The following SOX5 variants were observed in gnomAD, a reference collection of about 807,000 sequenced individuals.
SOX5 encodes the protein transcription factor SOX-5.
In SOX5, 9 loss-of-function variants were observed where a neutral mutation model predicts 92.0. That is an observed-to-expected ratio of 0.10 (90% CI 0.06 to 0.17). The LOEUF is 0.17. SOX5 is among the 10% of genes least tolerant of loss of function. SOX5 has a pLI of 1.00. For synonymous variants in SOX5, 344 were observed against 336.3 expected (o/e 1.02, Z -0.25); for missense variants, 642 against 944.5 (o/e 0.68, Z 4.20).
chr12:23,536,762 A>G, intron 13 of SOX5, 93 bp from the exon 14 acceptor site: 1 of 986,822 alleles, frequency 1.0e-6, no homozygotes, highest in African/African-American at 1.6e-5. Flanking sequence ...TAAAGTTGAG[A>G]TGTTAGCCAA....
chr12:23,606,683 T>C (rs1592514288), intron 8 of SOX5, among the ~76,000 whole-genome samples: 1 of 151,992 alleles, frequency 6.6e-6, no homozygotes, highest in African/African-American at 2.4e-5. Flanking sequence ...AATACAAGTA[T>C]AAAAACTCTA....
rs2096566357 is a variant in SOX5 at position 23,845,614 on chromosome 12, T to G, written c.481+369A>C. On this transcript the variant is annotated intron_variant, in intron 3 of 14. Coordinates refer to ENST00000451604, the MANE Select transcript of SOX5 (RefSeq NM_006940.6). The stretch of plus-strand genomic sequence containing the variant: ...GTATTAATGTGTAAAGGTTACAAAA[T>G]GTAGTGAAATTCTACATTAATCCTC... Among the ~76,000 whole-genome samples the G allele has an allele frequency of 2.0e-5, 3 of 149,932 alleles. No homozygotes were observed. The South Asian group carries it at 6.4e-4, about 32-fold the overall frequency.
intron 1 of SOX5, among the ~76,000 whole-genome samples, chr12:24,416,792 G>A (rs1311253468): frequency 6.6e-6 from 1 of 152,218 alleles, no homozygotes; most frequent in African/African-American, 2.4e-5. Context: ...AAATTAGGCT[G>A]AGTAAAATCT....
chr12:23,741,456 A>T (rs1024454444), intron 4 of SOX5, among the ~76,000 whole-genome samples: 12 of 152,210 alleles, frequency 7.9e-5, no homozygotes, highest in Admixed American at 7.2e-4. Flanking sequence ...TCCCAAGTAC[A>T]GTTCTTGGCC....
intron 4 of SOX5, among the ~76,000 whole-genome samples, chr12:23,745,692 G>A (rs2093958431): frequency 6.6e-6 from 1 of 152,090 alleles, no homozygotes; most frequent in African/African-American, 2.4e-5. Context: ...TCCAGCTCAT[G>A]CATCTTGTTT....
intron 4 of SOX5, among the ~76,000 whole-genome samples, chr12:23,963,134 G>T (rs35502777): frequency 0.21 from 31,763 of 152,086 alleles, 3,546 homozygotes; most frequent in Non-Finnish European, 0.24. Flanking sequence ...GAAACTGCAC[G>T]ATTTCATAAA....
chr12:24,444,522 A>C (rs1941166966), intron 1 of SOX5, among the ~76,000 whole-genome samples: 1 of 152,214 alleles, frequency 6.6e-6, no homozygotes, highest in Non-Finnish European at 1.5e-5. Context: ...CATGAAATGT[A>C]TTTGAATTCA....
At chr12:23,861,097 G>A (rs1298967484) in intron 2 of SOX5, among the ~76,000 whole-genome samples, 1 of 151,956 alleles carries the variant, frequency 6.6e-6, no homozygotes, top group East Asian at 1.9e-4. Flanking sequence ...AGTTACTCCA[G>A]GAAGACTAAA....
At chr12:24,229,075 C>T (rs1259914943) in intron 3 of SOX5, among the ~76,000 whole-genome samples, 1 of 152,322 alleles carries the variant, frequency 6.6e-6, no homozygotes. Flanking sequence ...GACAGGAGAA[C>T]GCCCCTTATC....
At chr12:24,184,362 A>G (rs1296102185) in intron 4 of SOX5, among the ~76,000 whole-genome samples, 1 of 151,958 alleles carries the variant, frequency 6.6e-6, no homozygotes, top group Non-Finnish European at 1.5e-5. Flanking sequence ...ATTCAAAAAC[A>G]TTTTAACCAA....
chr12:24,209,822 T>C (rs1286340603), intron 4 of SOX5, among the ~76,000 whole-genome samples: 1 of 151,150 alleles, frequency 6.6e-6, no homozygotes, highest in African/African-American at 2.4e-5. Context: ...ATCGAGACCA[T>C]CCTGGCTAAA....
intron 4 of SOX5, among the ~76,000 whole-genome samples, chr12:24,095,116 CACACACACACACAGAGAGAGAG>C (rs1569540694): frequency 1.1e-5 from 1 of 94,764 alleles, no homozygotes; most frequent in Admixed American, 1.3e-4. Flanking sequence ...CACACACACA[CACACACACACACAGAGAGAGAG>C]AGAGAGAGAG....
intron 4 of SOX5, among the ~76,000 whole-genome samples, chr12:24,044,070 A>G (rs926233820): frequency 1.3e-5 from 2 of 152,212 alleles, no homozygotes; most frequent in Non-Finnish European, 2.9e-5. Flanking sequence ...AGGAATGATC[A>G]ATGTCTTTAA....
chr12:23,596,426 C>T (rs933559127), intron 9 of SOX5, among the ~76,000 whole-genome samples: 3 of 152,026 alleles, frequency 2.0e-5, no homozygotes, highest in Non-Finnish European at 1.5e-5. Context: ...TAAGAGAGAC[C>T]GCTAAAATTC....
intron 3 of SOX5, among the ~76,000 whole-genome samples, chr12:23,803,249 A>G (rs748743708): frequency 1.3e-5 from 2 of 152,172 alleles, no homozygotes; most frequent in Non-Finnish European, 2.9e-5. Flanking sequence ...AGTATGGCCC[A>G]CTGTTACCTC....
chr12:23,743,882 T>C (rs1285146985), intron 4 of SOX5, among the ~76,000 whole-genome samples: 4 of 152,238 alleles, frequency 2.6e-5, no homozygotes, highest in African/African-American at 4.8e-5. Context: ...CAACTGTATA[T>C]ATTTGGTGAT....
At chr12:23,566,067 A>G (rs1947029115) in intron 10 of SOX5, among the ~76,000 whole-genome samples, 1 of 152,122 alleles carries the variant, frequency 6.6e-6, no homozygotes, top group Non-Finnish European at 1.5e-5. Flanking sequence ...CTTGCTTTCA[A>G]TCAAGGCAAA....
chr12:24,514,764 G>A (rs1949629869), intron 1 of SOX5, among the ~76,000 whole-genome samples: 1 of 152,156 alleles, frequency 6.6e-6, no homozygotes, highest in East Asian at 1.9e-4. Context: ...GACATGGATG[G>A]AACTGGGGGC....
chr12:23,598,387 C>CTTTTTTTTTTTTTT (rs201719026), intron 9 of SOX5, among the ~76,000 whole-genome samples: 2 of 95,128 alleles, frequency 2.1e-5, no homozygotes, highest in African/African-American at 8.8e-5. Flanking sequence ...TGTGCTTTAT[C>CTTTTTTTTTTTTTT]TTTTTTTTTT....
Sources: gnomAD v4.1 joint callset for allele counts (sites outside exome capture counted in the v4.1 genomes callset) on GRCh38, gnomAD v4.1.1 for gene constraint, MANE v1.5 for transcripts, NCBI Gene and HGNC (gene_info 2026-07-23, HGNC 2026-07-21) for gene names.